The following RBFOX1 variants were observed in gnomAD, a reference collection of about 807,000 sequenced individuals.
RBFOX1 encodes the protein RNA binding protein fox-1 homolog 1.
A neutral mutation model predicts 57.7 loss-of-function variants in RBFOX1; 8 were observed. That is an observed-to-expected ratio of 0.14 (90% confidence interval 0.08 to 0.25). The LOEUF (loss-of-function observed/expected upper bound fraction) is 0.25. Among genes scored for constraint, RBFOX1 ranks in the 10% least tolerant of loss-of-function variants. The pLI is 1.00. For missense variants in RBFOX1, 611 were observed against 548.5 expected (o/e 1.11, Z -1.14); for synonymous variants, 326 against 222.4 (o/e 1.47, Z -4.15).
chr16:6,492,929 T>G (rs1237449311), intron 2 of RBFOX1, among the ~76,000 whole-genome samples: 1 of 152,226 alleles, frequency 6.6e-6, no homozygotes, highest in Admixed American at 6.5e-5. Flanking sequence ...GAAGGGACTA[T>G]AAACAGTGAT....
chr16:6,628,187 G>A (rs1258216637), intron 2 of RBFOX1, among the ~76,000 whole-genome samples: 1 of 152,140 alleles, frequency 6.6e-6, no homozygotes, highest in Non-Finnish European at 1.5e-5. Context: ...CGGGTACCTT[G>A]GTCATCTCAC....
intron 3 of RBFOX1, among the ~76,000 whole-genome samples, chr16:6,758,393 C>T (rs983041309): frequency 6.6e-6 from 1 of 152,100 alleles, no homozygotes; most frequent in Non-Finnish European, 1.5e-5. Flanking sequence ...ATTAACCAGA[C>T]CAAAGCTATT....
At chr16:6,377,311 T>A (rs1416085309) in intron 2 of RBFOX1, among the ~76,000 whole-genome samples, 1 of 151,078 alleles carries the variant, frequency 6.6e-6, no homozygotes, top group African/African-American at 2.4e-5. Context: ...AAAAAAGGTA[T>A]CAGTCCCTGT....
intron 1 of RBFOX1, among the ~76,000 whole-genome samples, chr16:5,331,637 G>A (rs2064760291): frequency 6.6e-6 from 1 of 152,228 alleles, no homozygotes; most frequent in African/African-American, 2.4e-5. Context: ...AAAATCAAAG[G>A]GTGGAGAAAT....
At chr16:7,131,563 G>T (rs900676529) in intron 4 of RBFOX1, among the ~76,000 whole-genome samples, 1 of 151,608 alleles carries the variant, frequency 6.6e-6, no homozygotes. Context: ...TGGAACTGAG[G>T]TTTGAACCAT....
intron 1 of RBFOX1, among the ~76,000 whole-genome samples, chr16:5,431,330 A>G (rs1220400597): frequency 6.6e-6 from 1 of 152,188 alleles, no homozygotes; most frequent in Non-Finnish European, 1.5e-5. Context: ...GTAAAATTTT[A>G]AAAGTTAGGG....
rs181825421 is a variant in RBFOX1, at chr16:5,599,724, G to A, written c.*475G>A. ...AGCTTTCCGTTAATGGCAGTGGTAT[G>A]AAATTTCCTTCAAAAAAAGTTTAAC... On this transcript the variant is annotated 3_prime_UTR_variant, in exon 3 of 3. Coordinates refer to the RBFOX1 transcript ENST00000585867. 2.7e-3 allele frequency: 415 copies of A among 153,788 alleles called. 1 individual carries two copies. The highest frequency in any genetic ancestry group is 0.01 in the Middle Eastern group (3 of 294). The allele number at this position is 153,788 out of a possible 1,614,324, so 9.5% of individuals were successfully genotyped here. A position where few individuals can be genotyped will look rare whatever the true frequency, so the allele number is the denominator to read the frequency against.
At chr16:6,851,011 A>G (rs916187337) in intron 3 of RBFOX1, among the ~76,000 whole-genome samples, 2 of 152,212 alleles carry the variant, frequency 1.3e-5, no homozygotes, top group East Asian at 3.8e-4. Flanking sequence ...CACTGTGATA[A>G]TCCACACTGT....
chr16:7,059,347 A>G (rs1364179264), intron 4 of RBFOX1, among the ~76,000 whole-genome samples: 1 of 152,100 alleles, frequency 6.6e-6, no homozygotes, highest in Admixed American at 6.6e-5. Context: ...TAATTTTAGG[A>G]TGGTTCGTTG....
At chr16:5,589,323 C>T (rs1042637186) in intron 2 of RBFOX1, among the ~76,000 whole-genome samples, 11 of 152,156 alleles carry the variant, frequency 7.2e-5, no homozygotes, top group African/African-American at 1.7e-4. Context: ...GCCTGAGGCT[C>T]AGGGGTCCCA....
At chr16:5,920,647 C>A (rs1282283262) in intron 4 of RBFOX1, among the ~76,000 whole-genome samples, 2 of 152,082 alleles carry the variant, frequency 1.3e-5, no homozygotes, top group Admixed American at 6.5e-5. Flanking sequence ...AAGACCTTGT[C>A]CAAAAGTGGG....
At chr16:7,242,462 T>C (rs2094114428) in intron 4 of RBFOX1, among the ~76,000 whole-genome samples, 1 of 152,196 alleles carries the variant, frequency 6.6e-6, no homozygotes, top group African/African-American at 2.4e-5. Context: ...TGATTATTTT[T>C]CACCACTTGT....
intron 4 of RBFOX1, among the ~76,000 whole-genome samples, chr16:7,407,568 G>A (rs73550799): frequency 0.14 from 21,639 of 152,030 alleles, 2,361 homozygotes; most frequent in African/African-American, 0.29. Flanking sequence ...TGTATTTCCT[G>A]TGTTAGTTTT....
intron 3 of RBFOX1, among the ~76,000 whole-genome samples, chr16:5,688,250 C>G (rs2050563317): frequency 6.6e-6 from 1 of 152,160 alleles, no homozygotes; most frequent in Non-Finnish European, 1.5e-5. Context: ...TCTTTGCAAT[C>G]TTTTTATGTG....
chr16:6,984,454 T>A lies in RBFOX1; in HGVS notation c.-15-67603T>A, dbSNP rs1599149015. On this transcript the variant is annotated intron_variant, in intron 3 of 15. Transcript: ENST00000550418. ...CGAACCATCAGGAAAACAATATATA[T>A]CCCTATGGATGAAGCCACTGTTAGG... Among the ~76,000 whole-genome samples the A allele has an allele frequency of 2.0e-5, 3 of 151,964 alleles. 1 individual carries two copies. Among genetic ancestry groups the A allele is most frequent in the Non-Finnish European group, 2.9e-5 (2 of 68,012 alleles).
intron 2 of RBFOX1, among the ~76,000 whole-genome samples, chr16:6,588,333 T>C (rs549650608): frequency 1.3e-5 from 2 of 151,870 alleles, no homozygotes; most frequent in Admixed American, 6.6e-5. Flanking sequence ...TAGTTGTCCT[T>C]ATTTCTTTCA....
At chr16:7,484,235 C>T (rs973174604) in intron 4 of RBFOX1, among the ~76,000 whole-genome samples, 15 of 152,142 alleles carry the variant, frequency 9.9e-5, no homozygotes, top group Non-Finnish European at 1.9e-4. Flanking sequence ...TATCCATTCA[C>T]CAGACCAATT....
chr16:6,213,243 G>C (rs181009187), intron 1 of RBFOX1, among the ~76,000 whole-genome samples: 1 of 152,028 alleles, frequency 6.6e-6, no homozygotes, highest in African/African-American at 2.4e-5. Flanking sequence ...GCTCTTTCTT[G>C]AACGCTTAAT....
At chr16:5,639,952 C>G (rs1198364849) in intron 3 of RBFOX1, among the ~76,000 whole-genome samples, 5 of 152,224 alleles carry the variant, frequency 3.3e-5, no homozygotes, top group Non-Finnish European at 7.3e-5. Flanking sequence ...TTTTACTTTT[C>G]TCTGCCCAGA....
Sources: gnomAD v4.1 joint callset for allele counts (sites outside exome capture counted in the v4.1 genomes callset) on GRCh38, gnomAD v4.1.1 for gene constraint, MANE v1.5 for transcripts, NCBI Gene and HGNC (gene_info 2026-07-23, HGNC 2026-07-21) for gene names.